NCAPD3: variants seen among roughly 807,000 people sequenced by gnomAD.
NCAPD3 encodes non-SMC condensin II complex subunit D3.
In NCAPD3, 105 loss-of-function variants were observed where a neutral mutation model predicts 182.9. The ratio of observed to expected loss-of-function variants is 0.57; its 90% CI spans 0.49 to 0.68. The LOEUF (loss-of-function observed/expected upper bound fraction) is 0.68. Ranked by LOEUF, NCAPD3 falls within the 30% of genes least tolerant of loss-of-function variation. The pLI, the probability that NCAPD3 is intolerant of heterozygous loss-of-function variation, is 0.00. For synonymous variants in NCAPD3, 815 were observed against 679.9 expected (o/e 1.20, Z -3.09); for missense variants, 1,944 against 1,837.0 (o/e 1.06, Z -1.07).
chr11:134,202,914 A>G lies in NCAPD3; in HGVS notation c.1526-9T>C. 6.3e-7 allele frequency: 1 copy of G among 1,589,260 alleles called. No individual in the cohort carries two copies. The highest frequency in any genetic ancestry group is 8.6e-7 in the Non-Finnish European group (1 of 1,168,642). On this transcript the variant is annotated splice_polypyrimidine_tract_variant and intron_variant, in intron 12 of 34. Coordinates refer to ENST00000534548, the MANE Select transcript of NCAPD3 (RefSeq NM_015261.3). The stretch of plus-strand genomic sequence containing the variant: ...CCTTTGGTAGGAAAAAGCTTTAAAA[A>G]AAAAATTACAGTCATTAAGCTAAAA...
At chr11:134,218,057 C>T (rs986600075) in intron 2 of NCAPD3, among the ~76,000 whole-genome samples, 2 of 143,634 alleles carry the variant, frequency 1.4e-5, no homozygotes, top group African/African-American at 2.6e-5. Flanking sequence ...TTGACTGTGC[C>T]ACTGCATTCC....
At position 134,204,020 on chromosome 11, in the gene NCAPD3, A is replaced by G. The variant is rs377169961; in HGVS notation, c.1215+26T>C. ...TTAAAAAGAGTTTAAAAAGGACCCAAGGTTTTATGCAGAGCTATCTCCTAC... is the reference window on the plus strand; with the variant it reads ...TTAAAAAGAGTTTAAAAAGGACCCAGGGTTTTATGCAGAGCTATCTCCTAC... On this transcript the variant is annotated intron_variant, in intron 10 of 34. Coordinates refer to ENST00000534548, the MANE Select transcript of NCAPD3 (RefSeq NM_015261.3). This position sits in a 1 kb window ranked among gnomAD's most constrained non-coding sequence, Gnocchi z 4.3. 6.2e-7 allele frequency: 1 copy of G among 1,609,900 alleles called. No individual in the cohort carries two copies. The highest frequency in any genetic ancestry group is 8.5e-7 in the Non-Finnish European group (1 of 1,178,382).
chr11:134,204,352 T>C lies in NCAPD3; in HGVS notation c.1090-181A>G, dbSNP rs1944809134. Among the ~76,000 whole-genome samples, 1 of 152,212 alleles carries C rather than the reference T, an allele frequency of 6.6e-6. No homozygotes were observed. The highest frequency in any genetic ancestry group is 2.1e-4 in the South Asian group (1 of 4,828). On this transcript the variant is annotated intron_variant, in intron 9 of 34. Transcript: ENST00000534548. This position sits in a 1 kb window ranked among gnomAD's most constrained non-coding sequence, Gnocchi z 4.3. ...TCAAAACTAATCTAAAGGAAATCTA[T>C]AAACCATCTCTCCAGAAAAATGCAC...
intron 22 of NCAPD3, chr11:134,178,065 A>T (rs967816918): frequency 1.3e-5 from 2 of 152,270 alleles, no homozygotes; most frequent in Non-Finnish European, 2.9e-5. Context: ...AAGGAAAAAT[A>T]AAAAAACAAA....
At chr11:134,157,477 T>C (rs919741384) in intron 31 of NCAPD3, among the ~76,000 whole-genome samples, 1 of 152,190 alleles carries the variant, frequency 6.6e-6, no homozygotes, top group Non-Finnish European at 1.5e-5. Flanking sequence ...AAAATCAACA[T>C]TTCAAAGAAC....
intron 13 of NCAPD3, among the ~76,000 whole-genome samples, chr11:134,197,530 G>C (rs1944661059): frequency 6.6e-6 from 1 of 152,044 alleles, no homozygotes; most frequent in Non-Finnish European, 1.5e-5. Context: ...ATCCGCCTTG[G>C]CCTCCCAAAG....
At position 134,185,432 on chromosome 11, in the gene NCAPD3, G is replaced by A; in HGVS notation, c.2140C>T (p.His714Tyr). 1.2e-6 allele frequency: 2 copies of A among 1,614,048 alleles called. No individual in the cohort carries two copies. Among genetic ancestry groups the A allele is most frequent in the South Asian group, 1.1e-5 (1 of 91,074 alleles). The change falls in exon 17 of 35, where the codon CAT (histidine) becomes TAT (tyrosine). Residue 714 changes from histidine (H) to tyrosine (Y), a missense_variant. Physicochemically the swap from His to Tyr is moderately conservative, Grantham distance 83. Around this residue, in one of 3 missense-constraint regions of NCAPD3, gnomAD observed 1,803 missense variants for 1,674.6 expected, o/e 1.08. Transcript: ENST00000534548. Reference protein sequence around the residue: ...NNVISHTGTEHSAPAWMLLSK... With the variant: ...NNVISHTGTEYSAPAWMLLSK... Reference sequence around the variant, plus strand: ...AGCAGCATCCAGGCAGGTGCCGAATGTTCCGTGCCAGTGTGAGATATTACA... The same window carrying A: ...AGCAGCATCCAGGCAGGTGCCGAATATTCCGTGCCAGTGTGAGATATTACA...
chr11:134,222,077 C>T (rs777561480), intron 1 of NCAPD3, among the ~76,000 whole-genome samples: 12 of 152,226 alleles, frequency 7.9e-5, no homozygotes, highest in Admixed American at 1.3e-4. Flanking sequence ...ATGGCAGTAA[C>T]TGGCCCTGTT....
chr11:134,208,952 CT>C lies in NCAPD3; in HGVS notation c.795-2del. 1 of 1,585,070 alleles carries C rather than the reference CT, an allele frequency of 6.3e-7. No individual in the cohort carries two copies. Among genetic ancestry groups the C allele is most frequent in the Non-Finnish European group, 8.6e-7 (1 of 1,165,328 alleles). On this transcript the variant is annotated splice_acceptor_variant, in intron 6 of 34. Coordinates refer to ENST00000534548, the MANE Select transcript of NCAPD3 (RefSeq NM_015261.3). LOFTEE classifies it high-confidence loss of function. ...TATGTATTTTGCTTGGTTAAGAGCT[CT>C]AAAAAAAAAAGACGAAATATTAGTT...
chr11:134,160,085 G>C lies in NCAPD3; in HGVS notation c.3685-11C>G. 1 of 1,612,098 alleles carries C rather than the reference G, an allele frequency of 6.2e-7. No individual in the cohort carries two copies. Among genetic ancestry groups the C allele is most frequent in the Non-Finnish European group, 8.5e-7 (1 of 1,178,872 alleles). On this transcript the variant is annotated splice_polypyrimidine_tract_variant and intron_variant, in intron 28 of 34. Transcript: ENST00000534548. The stretch of plus-strand genomic sequence containing the variant: ...ATCCTGCATCACCTCCTGAAACAGA[G>C]CCAGGAGCATCCTTTCATGTTTTCT...
At chr11:134,221,941 G>A (rs1938246777) in intron 1 of NCAPD3, among the ~76,000 whole-genome samples, 1 of 152,126 alleles carries the variant, frequency 6.6e-6, no homozygotes, top group African/African-American at 2.4e-5. Context: ...AAATACAATT[G>A]TTTCTTTCCA....
intron 3 of NCAPD3, among the ~76,000 whole-genome samples, chr11:134,215,472 C>T (rs1247938346): frequency 3.3e-5 from 5 of 152,114 alleles, no homozygotes; most frequent in Non-Finnish European, 7.4e-5. Context: ...GATAGAAGAT[C>T]AATAATCAAA....
intron 13 of NCAPD3, among the ~76,000 whole-genome samples, chr11:134,198,883 A>C (rs1944690032): frequency 6.6e-6 from 1 of 152,230 alleles, no homozygotes; most frequent in Admixed American, 6.5e-5. Context: ...CTCAGGACAA[A>C]ATTTAAAGAG....
intron 2 of NCAPD3, among the ~76,000 whole-genome samples, chr11:134,219,596 T>C (rs1038107346): frequency 6.6e-6 from 1 of 152,224 alleles, no homozygotes; most frequent in Non-Finnish European, 1.5e-5. Flanking sequence ...GAATTTTTTT[T>C]TGTTCATTTA....
intron 13 of NCAPD3, among the ~76,000 whole-genome samples, chr11:134,197,012 G>C (rs903669049): frequency 4.6e-5 from 7 of 152,128 alleles, no homozygotes; most frequent in Non-Finnish European, 1.0e-4. Flanking sequence ...CAGATCCCTC[G>C]CAGCTTGGTG....
intron 19 of NCAPD3, among the ~76,000 whole-genome samples, chr11:134,183,808 T>G (rs1944344987): frequency 6.6e-6 from 1 of 152,208 alleles, no homozygotes; most frequent in Non-Finnish European, 1.5e-5. Flanking sequence ...AAGGAAGGGC[T>G]TTCTCTAATG....
chr11:134,182,132 T>C (rs1447741314), intron 19 of NCAPD3, among the ~76,000 whole-genome samples: 1 of 152,188 alleles, frequency 6.6e-6, no homozygotes, highest in East Asian at 1.9e-4. Flanking sequence ...TTGATCCCAA[T>C]GAGGCCAGAA....
intron 32 of NCAPD3, among the ~76,000 whole-genome samples, chr11:134,154,208 G>A (rs1454213243): frequency 6.6e-6 from 1 of 152,198 alleles, no homozygotes; most frequent in African/African-American, 2.4e-5. Context: ...CTCAAGAGAT[G>A]TTAGCAGCCA....
At chr11:134,209,794 T>C (rs1937761602) in intron 4 of NCAPD3, 1 of 270,960 alleles carries the variant, frequency 3.7e-6, no homozygotes, top group Non-Finnish European at 7.0e-6. Flanking sequence ...GTGTTGTGGC[T>C]CATGCCTGTA....
Sources: gnomAD v4.1 joint callset for allele counts (sites outside exome capture counted in the v4.1 genomes callset) on GRCh38, gnomAD v4.1.1 for gene constraint, gnomAD v4.1.1 regional missense constraint, Gnocchi (gnomAD v3.1) non-coding constraint, MANE v1.5 for transcripts, NCBI Gene and HGNC (gene_info 2026-07-23, HGNC 2026-07-21) for gene names.